Variants in RXFP2 observed in about 807,000 individuals in gnomAD.
The protein encoded by RXFP2 is relaxin family peptide receptor 2, also known as relaxin receptor 2.
A neutral mutation model predicts 88.6 loss-of-function variants in RXFP2; 68 were observed. The observed-to-expected ratio is 0.77, with a 90% CI of 0.63 to 0.94. The LOEUF (loss-of-function observed/expected upper bound fraction) is 0.94. RXFP2 is among the 40% of genes least tolerant of loss of function. The pLI, the probability that RXFP2 is intolerant of heterozygous loss-of-function variation, is 0.00. For synonymous variants in RXFP2, 329 were observed against 306.8 expected (o/e 1.07, Z -0.76); for missense variants, 791 against 893.9 (o/e 0.88, Z 1.47).
intron 1 of RXFP2, among the ~76,000 whole-genome samples, chr13:31,749,241 G>T (rs973958053): frequency 6.6e-6 from 1 of 152,082 alleles, no homozygotes; most frequent in Non-Finnish European, 1.5e-5. Flanking sequence ...TGGTACAAAT[G>T]ATTACATATG....
chr13:31,799,384 G>C (rs567089916), intron 17 of RXFP2, among the ~76,000 whole-genome samples: 1 of 152,144 alleles, frequency 6.6e-6, no homozygotes, highest in South Asian at 2.1e-4. Flanking sequence ...GTTAATTTTT[G>C]TATTTTTAGT....
intron 9 of RXFP2, among the ~76,000 whole-genome samples, chr13:31,779,022 C>T (rs1303758041): frequency 1.3e-5 from 2 of 152,138 alleles, no homozygotes; most frequent in Admixed American, 6.5e-5. Context: ...CCTATGTACT[C>T]CCACACATTA....
rs761621182 is a variant in RXFP2 at position 31,756,466 on chromosome 13, G to A, written c.95-1792G>A. On this transcript the variant is annotated intron_variant, in intron 1 of 17. Transcript: ENST00000298386. Reference sequence around the variant, plus strand: ...GTTAAAAATATCATCTCCCACACCCGCCCAAGGGAATTCTGGGTCATGATG... The same window carrying A: ...GTTAAAAATATCATCTCCCACACCCACCCAAGGGAATTCTGGGTCATGATG... Among the ~76,000 whole-genome samples, 17 of 152,066 alleles carry A rather than the reference G, an allele frequency of 1.1e-4. No individual in the cohort carries two copies. The East Asian group carries it at 2.3e-3, about 21-fold the overall frequency.
At chr13:31,758,647 T>C (rs570531133) in intron 2 of RXFP2, among the ~76,000 whole-genome samples, 11 of 152,208 alleles carry the variant, frequency 7.2e-5, no homozygotes, top group Non-Finnish European at 1.6e-4. Flanking sequence ...AAAAATAAAA[T>C]TATATTTGAA....
chr13:31,796,771 G>A (rs1206312219), intron 16 of RXFP2, among the ~76,000 whole-genome samples: 1 of 152,194 alleles, frequency 6.6e-6, no homozygotes, highest in Non-Finnish European at 1.5e-5. Flanking sequence ...AAGAGGCACT[G>A]TATTTAACAT....
At chr13:31,755,550 C>A (rs530195405) in intron 1 of RXFP2, among the ~76,000 whole-genome samples, 75 of 152,224 alleles carry the variant, frequency 4.9e-4, no homozygotes, top group Non-Finnish European at 5.6e-4. Context: ...TAAAAAATTT[C>A]TAAGCCACCA....
intron 17 of RXFP2, among the ~76,000 whole-genome samples, chr13:31,799,293 C>T (rs1027141281): frequency 6.6e-5 from 10 of 152,212 alleles, no homozygotes; most frequent in Non-Finnish European, 1.5e-5. Flanking sequence ...CTGACTGCAA[C>T]CTCTGCCTCC....
chr13:31,788,152 G>T (rs1242084459), intron 13 of RXFP2, among the ~76,000 whole-genome samples: 2 of 143,648 alleles, frequency 1.4e-5, no homozygotes, highest in Non-Finnish European at 3.1e-5. Flanking sequence ...AAAAAAAAAG[G>T]AAAATTAAAC....
At position 31,778,551 on chromosome 13, in the gene RXFP2, G is replaced by T. The variant is rs1247910838; in HGVS notation, c.753G>T (p.Gln251His). Residue 251 changes from glutamine to histidine, a missense_variant, in exon 9 of 18, where the codon CAG (glutamine) becomes CAT (histidine). By Grantham distance (24) the Gln-to-His change is conservative. Coordinates refer to ENST00000298386, the MANE Select transcript of RXFP2 (RefSeq NM_130806.5). ...VNNYLEALPK[Q>H]MCAQMPQLNW... is the part of the protein sequence containing the mutation. Reference sequence around the variant, plus strand: ...ACTACTTAGAAGCTCTTCCCAAGCAGATGTGTGCCCAAATGCCTCAACTCA... The same window carrying T: ...ACTACTTAGAAGCTCTTCCCAAGCATATGTGTGCCCAAATGCCTCAACTCA... The T allele has an allele frequency of 6.2e-7, 1 of 1,611,934 alleles. No individual in the cohort carries two copies. Among genetic ancestry groups the T allele is most frequent in the Non-Finnish European group, 8.5e-7 (1 of 1,178,300 alleles).
chr13:31,792,970 A>C lies in RXFP2; in HGVS notation c.1668A>C (p.Pro556=), dbSNP rs1452229668. ...WMAGFLIAVI[P]FWNKDYFGNF... ...CGGGATTTTTAATAGCTGTAATTCC[A>C]TTTTGGAATAAGGATTATTTTGGAA... Residue 556 remains proline (P), a synonymous_variant, in exon 16 of 18, where the codon CCA becomes CCC. Coordinates refer to ENST00000298386, the MANE Select transcript of RXFP2 (RefSeq NM_130806.5). The C allele has an allele frequency of 6.2e-7, 1 of 1,614,106 alleles. No individual in the cohort carries two copies.
chr13:31,778,472 A>G (rs1276236602), intron 8 of RXFP2, 40 bp from the exon 9 acceptor site: 1 of 1,328,208 alleles, frequency 7.5e-7, no homozygotes, highest in Non-Finnish European at 1.1e-6. Flanking sequence ...TAAAAGTGTC[A>G]TATCATTTTA....
rs776757747 is a variant in RXFP2, at chr13:31,792,737, C to G, written c.1435C>G (p.Arg479Gly). Residue 479 changes from arginine (R) to glycine (G), a missense_variant, in exon 16 of 18, where the codon CGA (arginine) becomes GGA (glycine). Physicochemically the swap from Arg to Gly is moderately radical, Grantham distance 125. Transcript: ENST00000298386. ...FFVGIFDIKY[R>G]GQYQKYALLW... ...TGTTGGCATTTTCGATATAAAATAC[C>G]GAGGGCAGTATCAGAAGTATGCCTT... The G allele has an allele frequency of 6.2e-7, 1 of 1,614,016 alleles. No individual in the cohort carries two copies.
intron 1 of RXFP2, among the ~76,000 whole-genome samples, chr13:31,750,358 G>T (rs575841912): frequency 1.2e-4 from 18 of 152,224 alleles, no homozygotes; most frequent in Non-Finnish European, 2.6e-4. Context: ...TGTAGGTATA[G>T]TCTCTCTAAT....
chr13:31,793,682 T>A (rs1165549789), intron 16 of RXFP2, among the ~76,000 whole-genome samples: 1 of 152,176 alleles, frequency 6.6e-6, no homozygotes, highest in Non-Finnish European at 1.5e-5. Flanking sequence ...CCCTTTAAAG[T>A]TAAAAACACT....
At chr13:31,754,548 C>G (rs1871842357) in intron 1 of RXFP2, among the ~76,000 whole-genome samples, 1 of 151,732 alleles carries the variant, frequency 6.6e-6, no homozygotes, top group African/African-American at 2.4e-5. Flanking sequence ...AAAAAAAAAG[C>G]AACTCATAGT....
Position 31,789,175 on chromosome 13 carries a change from T to G in RXFP2, c.1127T>G (p.Met376Arg), listed in dbSNP as rs1299661801. ...PNINTRMFQP[M>R]KNLSHIYFKN... Reference sequence around the variant, plus strand: ...ATAAACACACGAATGTTTCAACCCATGAAGAATCTTTCTCACATGTACGTA... The same window carrying G: ...ATAAACACACGAATGTTTCAACCCAGGAAGAATCTTTCTCACATGTACGTA... The change falls in exon 14 of 18, where the codon ATG (methionine) becomes AGG (arginine). Residue 376 changes from methionine to arginine, a missense_variant. Coordinates refer to ENST00000298386, the MANE Select transcript of RXFP2 (RefSeq NM_130806.5). 6.2e-7 allele frequency: 1 copy of G among 1,606,242 alleles called. No homozygotes were observed. Among genetic ancestry groups the G allele is most frequent in the Non-Finnish European group, 8.5e-7 (1 of 1,174,142 alleles).
rs1014212474 is a variant in RXFP2, at chr13:31,761,748, T to C, written c.266T>C (p.Ile89Thr). 1.2e-6 allele frequency: 2 copies of C among 1,612,972 alleles called. No homozygotes were observed. Among genetic ancestry groups the C allele is most frequent in the Non-Finnish European group, 1.7e-6 (2 of 1,179,110 alleles). Residue 89 changes from isoleucine (I) to threonine (T), a missense_variant, in exon 3 of 18, where the codon ATA becomes ACA. Transcript: ENST00000298386. Reference protein sequence around the residue: ...NCGDTSGWATIFGTVHGNANS... With the variant: ...NCGDTSGWATTFGTVHGNANS... Reference sequence around the variant, plus strand: ...GGTGACACTAGTGGATGGGCGACCATATTTGGCACAGTGCATGGAAATGCT... The same window carrying C: ...GGTGACACTAGTGGATGGGCGACCACATTTGGCACAGTGCATGGAAATGCT...
At chr13:31,787,758 G>A (rs2138450239) in intron 13 of RXFP2, among the ~76,000 whole-genome samples, 1 of 152,290 alleles carries the variant, frequency 6.6e-6, no homozygotes, top group South Asian at 2.1e-4. Flanking sequence ...TCCTGCCTCA[G>A]CCTCCCAAGT....
At chr13:31,801,740 ACCAAGGTCAGATCTGGCTTGGT>A (rs1874356332) in intron 17 of RXFP2, among the ~76,000 whole-genome samples, 3 of 152,212 alleles carry the variant, frequency 2.0e-5, no homozygotes, top group Admixed American at 2.0e-4. Flanking sequence ...TGGAGTTAAG[ACCAAGGTCAGATCTGGCTTGGT>A]CCAGGGGACC....
Sources: gnomAD v4.1 joint callset for allele counts (sites outside exome capture counted in the v4.1 genomes callset) on GRCh38, gnomAD v4.1.1 for gene constraint, MANE v1.5 for transcripts, NCBI Gene and HGNC (gene_info 2026-07-23, HGNC 2026-07-21) for gene names.